FYN: variants seen among roughly 807,000 people sequenced by gnomAD.
FYN encodes FYN proto-oncogene, Src family tyrosine kinase.
A neutral mutation model predicts 70.2 loss-of-function variants in FYN; 10 were observed. The ratio of observed to expected loss-of-function variants is 0.14; its 90% confidence interval spans 0.09 to 0.24. The LOEUF is 0.24. FYN is among the 10% of genes least tolerant of loss of function. The probability of loss-of-function intolerance (pLI) is 1.00; values close to 1 mark genes in which losing one functional copy is unlikely to be tolerated. For missense variants in FYN, 319 were observed against 673.1 expected, an observed-to-expected ratio of 0.47 and a Z score of 5.82; for synonymous variants, 236 against 248.6, an observed-to-expected ratio of 0.95 and a Z score of 0.48.
chr6:111,800,187 G>A (rs529897062), intron 2 of FYN, among the ~76,000 whole-genome samples: 93 of 152,274 alleles, frequency 6.1e-4, no homozygotes, highest in Non-Finnish European at 1.2e-3. Flanking sequence ...GTTAATAGGA[G>A]TTATATACAC....
In FYN at chr6:111,781,620, C is replaced by T. The variant is rs537834600; in HGVS notation, c.-81-985G>A. ...ATGCTGTAACGCCCAGAGGCCTGTC[C>T]GGCCTCTGAGCCTCTAGGCAGGCCA... On this transcript the variant is annotated intron_variant, in intron 2 of 13. Transcript: ENST00000354650. 9.2e-5 allele frequency among the ~76,000 whole-genome samples: 14 copies of T among 152,278 alleles called. No individual in the cohort carries two copies. In the South Asian group the frequency reaches 1.2e-3, roughly 14 times the overall value.
chr6:111,745,991 T>C (rs1802194763), intron 3 of FYN, among the ~76,000 whole-genome samples: 1 of 152,232 alleles, frequency 6.6e-6, no homozygotes, highest in Admixed American at 6.5e-5. Context: ...GGGTGACCAC[T>C]GTGTATTGCA....
intron 1 of FYN, among the ~76,000 whole-genome samples, chr6:111,868,098 C>A (rs886854407): frequency 1.3e-5 from 2 of 151,908 alleles, no homozygotes; most frequent in Non-Finnish European, 2.9e-5. Context: ...CTCTTCCAGC[C>A]TTCTCTGCTT....
intron 12 of FYN, among the ~76,000 whole-genome samples, chr6:111,680,063 T>TG (rs1798718888): frequency 6.6e-6 from 1 of 152,206 alleles, no homozygotes. Flanking sequence ...CACCAAGCCC[T>TG]GGTCTTCCTC....
intron 2 of FYN, among the ~76,000 whole-genome samples, chr6:111,810,057 A>T (rs974021232): frequency 3.0e-4 from 46 of 152,202 alleles, no homozygotes; most frequent in African/African-American, 1.1e-3. Flanking sequence ...CTCTGGTCAG[A>T]TGGCTGTAGC....
intron 2 of FYN, among the ~76,000 whole-genome samples, chr6:111,822,257 G>T (rs1439649140): frequency 1.1e-4 from 16 of 152,260 alleles, no homozygotes; most frequent in Admixed American, 2.6e-4. Flanking sequence ...TAGATTGGAT[G>T]AAGAAAATGT....
chr6:111,850,117 T>C (rs1360746819), intron 1 of FYN, among the ~76,000 whole-genome samples: 1 of 152,216 alleles, frequency 6.6e-6, no homozygotes, highest in Non-Finnish European at 1.5e-5. Flanking sequence ...CAATTCTTGC[T>C]ATTGAAAGAG....
intron 12 of FYN, among the ~76,000 whole-genome samples, chr6:111,687,731 A>G (rs1397290079): frequency 1.3e-5 from 2 of 152,180 alleles, no homozygotes; most frequent in Non-Finnish European, 2.9e-5. Flanking sequence ...GCCAACTACC[A>G]CTATCAGCTC....
intron 2 of FYN, among the ~76,000 whole-genome samples, chr6:111,809,655 C>A (rs1772261252): frequency 6.6e-6 from 1 of 152,216 alleles, no homozygotes; most frequent in African/African-American, 2.4e-5. Context: ...CCTGCCAATC[C>A]CCCTCTTCAC....
intron 2 of FYN, among the ~76,000 whole-genome samples, chr6:111,844,611 G>A (rs1057325884): frequency 6.6e-6 from 1 of 152,158 alleles, no homozygotes; most frequent in Non-Finnish European, 1.5e-5. Flanking sequence ...CCTTTCAGAG[G>A]TGCCTCAGAC....
chr6:111,693,660 G>A (rs2128434611), intron 12 of FYN, among the ~76,000 whole-genome samples: 1 of 152,216 alleles, frequency 6.6e-6, no homozygotes, highest in East Asian at 1.9e-4. Flanking sequence ...ATGAAAGGAG[G>A]TAGAGATTTT....
At chr6:111,848,958 C>T (rs1261183270) in intron 1 of FYN, among the ~76,000 whole-genome samples, 1 of 151,808 alleles carries the variant, frequency 6.6e-6, no homozygotes, top group Admixed American at 6.6e-5. Flanking sequence ...TTTAGGTTTC[C>T]AAGACTAAGG....
intron 2 of FYN, among the ~76,000 whole-genome samples, chr6:111,824,834 C>G (rs139237410): frequency 2.0e-5 from 3 of 152,322 alleles, no homozygotes; most frequent in Non-Finnish European, 4.4e-5. Flanking sequence ...GTCTTGCACA[C>G]TTTTACTCCT....
At chr6:111,834,556 G>A (rs1425500742) in intron 2 of FYN, among the ~76,000 whole-genome samples, 3 of 152,066 alleles carry the variant, frequency 2.0e-5, no homozygotes, top group African/African-American at 7.2e-5. Flanking sequence ...ACTCACCTGC[G>A]TTTATCCAGG....
chr6:111,684,317 G>A (rs1208587434), intron 12 of FYN, among the ~76,000 whole-genome samples: 1 of 152,150 alleles, frequency 6.6e-6, no homozygotes, highest in Non-Finnish European at 1.5e-5. Flanking sequence ...GGAATCCATG[G>A]AAGGAATATT....
At chr6:111,685,982 G>T (rs1313791181) in intron 12 of FYN, among the ~76,000 whole-genome samples, 4 of 152,186 alleles carry the variant, frequency 2.6e-5, no homozygotes, top group African/African-American at 9.7e-5. Flanking sequence ...GGGAATGAAA[G>T]AAATTGGTCC....
Position 111,674,617 on chromosome 6 carries a change from G to A in FYN, c.1287C>T (p.Pro429=), listed in dbSNP as rs2128410901. 1.2e-6 allele frequency: 2 copies of A among 1,613,394 alleles called. No homozygotes were observed. Among genetic ancestry groups the A allele is most frequent in the African/African-American group, 2.7e-5 (2 of 75,032 alleles). The change falls in exon 13 of 14, where the codon CCC becomes CCT. Residue 429 remains proline, a synonymous_variant. Transcript: ENST00000354650. ...EYTARQGAKF[P]IKWTAPEAAL... Reference sequence around the variant, plus strand: ...CTGCCTCGGGGGCCGTCCACTTGATGGGGAACTTTGCACCTGCAGAATGAA... The same window carrying A: ...CTGCCTCGGGGGCCGTCCACTTGATAGGGAACTTTGCACCTGCAGAATGAA...
chr6:111,700,097 A>G lies in FYN; in HGVS notation c.862+7T>C. The G allele has an allele frequency of 6.2e-7, 1 of 1,613,762 alleles. No homozygotes were observed. ...GCTAATAAGAGAGTAATTGAGTCTCAGCATACCCATCCATACTTCCCCAAA... is the reference window on the plus strand; with the variant it reads ...GCTAATAAGAGAGTAATTGAGTCTCGGCATACCCATCCATACTTCCCCAAA... On this transcript the variant is annotated splice_region_variant and intron_variant, in intron 9 of 13. Transcript: ENST00000354650.
chr6:111,846,214 G>A (rs1189658377), intron 2 of FYN, among the ~76,000 whole-genome samples: 5 of 152,132 alleles, frequency 3.3e-5, no homozygotes, highest in African/African-American at 1.2e-4. Context: ...GACTGAAAAC[G>A]ACCTCCTTGA....
Sources: gnomAD v4.1 joint callset for allele counts (sites outside exome capture counted in the v4.1 genomes callset) on GRCh38, gnomAD v4.1.1 for gene constraint, MANE v1.5 for transcripts, NCBI Gene and HGNC (gene_info 2026-07-23, HGNC 2026-07-21) for gene names.